Variants in PLCE1 observed in about 807,000 individuals in gnomAD.
PLCE1 encodes the protein 1-phosphatidylinositol 4,5-bisphosphate phosphodiesterase epsilon-1.
A neutral mutation model predicts 242.8 loss-of-function variants in PLCE1; 119 were observed. The observed-to-expected ratio is 0.49, with a 90% CI of 0.42 to 0.57. PLCE1 has a LOEUF of 0.57. Among genes scored for constraint, PLCE1 ranks in the 20% least tolerant of loss-of-function variants. The pLI is 0.00. For synonymous variants in PLCE1, 945 were observed against 1,017.4 expected (o/e 0.93, Z 1.35); for missense variants, 2,441 against 2,788.8 (o/e 0.88, Z 2.81).
At chr10:94,187,117 G>A (rs2048501615) in intron 4 of PLCE1, among the ~76,000 whole-genome samples, 1 of 151,330 alleles carries the variant, frequency 6.6e-6, no homozygotes, top group South Asian at 2.1e-4. Context: ...CACATAGGTT[G>A]AAAGTGGCTA....
At position 94,163,724 on chromosome 10, in the gene PLCE1, G is replaced by A. The variant is rs188939200; in HGVS notation, c.1493-7456G>A. 1.4e-4 allele frequency among the ~76,000 whole-genome samples: 22 copies of A among 152,252 alleles called. No individual in the cohort carries two copies. In the East Asian group the frequency reaches 1.9e-3, roughly 13 times the overall value. On this transcript the variant is annotated intron_variant, in intron 3 of 32. Coordinates refer to ENST00000371380, the MANE Select transcript of PLCE1 (RefSeq NM_016341.4). ...ATGATGTTAGCTGGTTATTTTGCTC[G>A]TTACTTGATGCGGTTTCTTCCTAGC... is the stretch of plus-strand genomic sequence containing the variant.
intron 24 of PLCE1, 31 bp from the exon 25 acceptor site, chr10:94,304,451 A>G: frequency 6.2e-7 from 1 of 1,601,738 alleles, no homozygotes; most frequent in Non-Finnish European, 8.6e-7. Context: ...GTAACAAGCT[A>G]TATTGGCTTT....
chr10:94,013,267 T>A (rs1358313317), intron 1 of PLCE1, among the ~76,000 whole-genome samples: 1 of 152,148 alleles, frequency 6.6e-6, no homozygotes, highest in Non-Finnish European at 1.5e-5. Context: ...AGCACTGTCA[T>A]TTTTAGATTC....
intron 1 of PLCE1, among the ~76,000 whole-genome samples, chr10:94,028,238 G>A (rs2061489651): frequency 6.6e-6 from 1 of 152,144 alleles, no homozygotes; most frequent in Non-Finnish European, 1.5e-5. Flanking sequence ...TCTGTCTGAG[G>A]GTCTGTCATG....
Position 94,304,631 on chromosome 10 carries a change from GTCTAT to G in PLCE1, c.5612_5616del (p.Tyr1871PhefsTer13). The G allele has an allele frequency of 6.2e-7, 1 of 1,614,050 alleles. No individual in the cohort carries two copies. The stretch of plus-strand genomic sequence containing the variant: ...AGATCTGGACAGCATGGATCCTGCA[GTCTAT>G]TCTTTAACTGTAAGTACGGCCCCTA... On this transcript the variant is annotated frameshift_variant, in exon 25 of 33. Coordinates refer to ENST00000371380, the MANE Select transcript of PLCE1 (RefSeq NM_016341.4). LOFTEE classifies it high-confidence loss of function.
intron 4 of PLCE1, among the ~76,000 whole-genome samples, chr10:94,171,712 C>T (rs775233262): frequency 4.6e-5 from 7 of 152,082 alleles, no homozygotes; most frequent in Non-Finnish European, 7.4e-5. Flanking sequence ...CCTAATTGAT[C>T]TCAACTCCAT....
At chr10:94,310,352 A>G (rs1209835680) in intron 27 of PLCE1, among the ~76,000 whole-genome samples, 3 of 151,904 alleles carry the variant, frequency 2.0e-5, no homozygotes, top group Non-Finnish European at 4.4e-5. Context: ...TTTTCCCTTC[A>G]TCACTCCACA....
chr10:94,045,202 T>C (rs2061854440), intron 2 of PLCE1, among the ~76,000 whole-genome samples: 1 of 152,010 alleles, frequency 6.6e-6, no homozygotes, highest in South Asian at 2.1e-4. Context: ...CTGGGTCTTG[T>C]TTTGTTGCCC....
At chr10:94,181,073 C>G (rs1399054249) in intron 4 of PLCE1, among the ~76,000 whole-genome samples, 1 of 152,224 alleles carries the variant, frequency 6.6e-6, no homozygotes, top group Non-Finnish European at 1.5e-5. Context: ...AAGGGGCTGC[C>G]TTGCACCTTG....
intron 3 of PLCE1, among the ~76,000 whole-genome samples, chr10:94,136,797 GATCC>G (rs1294353759): frequency 2.0e-5 from 3 of 152,170 alleles, no homozygotes; most frequent in Non-Finnish European, 4.4e-5. Context: ...GTGAAGCATT[GATCC>G]ACAAGGATAT....
chr10:94,246,046 C>T lies in PLCE1; in HGVS notation c.2521C>T (p.His841Tyr). Residue 841 changes from histidine to tyrosine, a missense_variant, in exon 8 of 33, where the codon CAT becomes TAT. His to Tyr is a moderately conservative substitution (Grantham distance 83). Around this residue, in one of 5 missense-constraint regions of PLCE1, gnomAD observed 733 missense variants for 754.2 expected, o/e 0.97. Coordinates refer to ENST00000371380, the MANE Select transcript of PLCE1 (RefSeq NM_016341.4). ...GSEDSQKAFD[H>Y]GTELIPWYVL... ...AGAGGACTCACAGAAGGCCTTCGACCATGGGACGGAGCTCATCCCTTGGTA... is the reference window on the plus strand; with the variant it reads ...AGAGGACTCACAGAAGGCCTTCGACTATGGGACGGAGCTCATCCCTTGGTA... The T allele has an allele frequency of 6.2e-7, 1 of 1,614,112 alleles. No homozygotes were observed.
At chr10:94,323,954 G>A (rs1320454879) in intron 30 of PLCE1, among the ~76,000 whole-genome samples, 1 of 152,158 alleles carries the variant, frequency 6.6e-6, no homozygotes, top group African/African-American at 2.4e-5. Context: ...GGACAGAGAC[G>A]CTCCTGAAGA....
intron 3 of PLCE1, among the ~76,000 whole-genome samples, chr10:94,142,350 CAAA>C (rs5787101): frequency 8.4e-6 from 1 of 119,404 alleles, no homozygotes; most frequent in Admixed American, 8.6e-5. Context: ...GATGCTGTCT[CAAA>C]AAAAAAAAAA....
chr10:94,006,695 G>A (rs553593647), intron 1 of PLCE1, among the ~76,000 whole-genome samples: 2 of 152,172 alleles, frequency 1.3e-5, no homozygotes, highest in Non-Finnish European at 2.9e-5. Flanking sequence ...CTTGTTCTTG[G>A]CTAAGCTCAC....
intron 22 of PLCE1, chr10:94,287,088 T>TC (rs1440458355): frequency 3.3e-5 from 5 of 152,238 alleles, no homozygotes; most frequent in African/African-American, 1.2e-4. Flanking sequence ...TCGTGGAAGA[T>TC]CAGGAGGTCA....
chr10:94,259,405 T>C (rs2051217927), intron 13 of PLCE1, among the ~76,000 whole-genome samples: 1 of 152,038 alleles, frequency 6.6e-6, no homozygotes, highest in Non-Finnish European at 1.5e-5. Flanking sequence ...TGCCTCAGCC[T>C]CCTGAGTAGC....
intron 2 of PLCE1, among the ~76,000 whole-genome samples, chr10:94,112,712 G>T (rs1418955366): frequency 2.0e-5 from 3 of 152,124 alleles, no homozygotes; most frequent in Non-Finnish European, 2.9e-5. Context: ...TTCCCCACGT[G>T]ACTCTAAGGT....
chr10:94,009,799 A>G (rs924416865), intron 1 of PLCE1, among the ~76,000 whole-genome samples: 2 of 152,252 alleles, frequency 1.3e-5, no homozygotes, highest in South Asian at 4.1e-4. Context: ...CATTCAGAGC[A>G]CACTGGTGCT....
chr10:94,079,511 T>C lies in PLCE1; in HGVS notation c.1206+47259T>C, dbSNP rs1357176560. Among the ~76,000 whole-genome samples, 4 of 152,216 alleles carry C rather than the reference T, an allele frequency of 2.6e-5. No individual in the cohort carries two copies. In the East Asian group the frequency reaches 7.7e-4, roughly 29 times the overall value. ...AATACCTAATGTAGATGACGTGTTG[T>C]TGGGTGCAGCAAACCACCATGGCAC... On this transcript the variant is annotated intron_variant, in intron 2 of 32. Transcript: ENST00000371380.
Sources: gnomAD v4.1 joint callset for allele counts (sites outside exome capture counted in the v4.1 genomes callset) on GRCh38, gnomAD v4.1.1 for gene constraint, gnomAD v4.1.1 regional missense constraint, MANE v1.5 for transcripts, NCBI Gene and HGNC (gene_info 2026-07-23, HGNC 2026-07-21) for gene names.